The following NUP85 variants were observed in gnomAD, a reference collection of about 807,000 sequenced individuals.
NUP85 encodes nuclear pore complex protein Nup85.
NUP85 carries 23 observed loss-of-function variants against 92.8 expected under a neutral mutation model. The ratio of observed to expected loss-of-function variants is 0.25; its 90% CI spans 0.18 to 0.35. The LOEUF is 0.35. Ranked by LOEUF, NUP85 falls within the 10% of genes least tolerant of loss-of-function variation. The probability of loss-of-function intolerance (pLI) is 1.00; values close to 1 mark genes in which losing one functional copy is unlikely to be tolerated. For synonymous variants in NUP85, 314 were observed against 306.9 expected, an observed-to-expected ratio of 1.02 and a Z score of -0.24; for missense variants, 759 against 822.8, an observed-to-expected ratio of 0.92 and a Z score of 0.95.
intron 2 of NUP85, among the ~76,000 whole-genome samples, chr17:75,208,865 C>A (rs2075171392): frequency 6.6e-6 from 1 of 152,078 alleles, no homozygotes; most frequent in Non-Finnish European, 1.5e-5. Flanking sequence ...CCTCAGTCTT[C>A]CTAGTAGCTG....
chr17:75,214,686 A>G (rs2075374198), intron 5 of NUP85, among the ~76,000 whole-genome samples: 1 of 151,852 alleles, frequency 6.6e-6, no homozygotes, highest in South Asian at 2.1e-4. Context: ...CGGAAACTCC[A>G]TCTCTACTAA....
Position 75,234,834 on chromosome 17 carries a change from C to G in NUP85, c.1767+46C>G, listed in dbSNP as rs1342536621. The G allele has an allele frequency of 3.1e-6, 5 of 1,608,070 alleles. No homozygotes were observed. In the South Asian group the frequency reaches 5.5e-5, roughly 18 times the overall value. On this transcript the variant is annotated intron_variant, in intron 17 of 18. Transcript: ENST00000245544. ...GGTTTTCTTTGCTTGTCAGTCCCTG[C>G]TAGAGCTTAGTTGTATAGCTGTTGC...
At chr17:75,208,663 GGTT>G in intron 2 of NUP85, 43 bp downstream of exon 2, 1 of 1,150,180 alleles carries the variant, frequency 8.7e-7, no homozygotes, top group South Asian at 1.3e-5. Flanking sequence ...TGGCACATTT[GGTT>G]GTTTTTCTGT....
intron 1 of NUP85, among the ~76,000 whole-genome samples, chr17:75,207,947 G>A (rs910937563): frequency 2.0e-5 from 3 of 151,944 alleles, no homozygotes; most frequent in Non-Finnish European, 4.4e-5. Context: ...TCGAGATTGC[G>A]TCACTGCAGT....
intron 6 of NUP85, among the ~76,000 whole-genome samples, chr17:75,216,833 G>C (rs1441872531): frequency 6.6e-6 from 1 of 152,020 alleles, no homozygotes; most frequent in Non-Finnish European, 1.5e-5. Flanking sequence ...GTATCTGCAG[G>C]TTCTACATCA....
intron 7 of NUP85, among the ~76,000 whole-genome samples, chr17:75,223,094 C>T (rs996754007): frequency 6.6e-6 from 1 of 150,714 alleles, no homozygotes; most frequent in African/African-American, 2.4e-5. Flanking sequence ...CTGAATGAAG[C>T]TTATCTAACA....
rs2075743053 is a variant in NUP85, at chr17:75,225,216, GA to G, written c.712del (p.Arg238GlyfsTer14). 6.2e-7 allele frequency: 1 copy of G among 1,608,016 alleles called. No individual in the cohort carries two copies. The stretch of plus-strand genomic sequence containing the variant: ...TATGCCGAATCATGGGGGACCTGAT[GA>G]GGACAATGCCCATTCTTAGTGTACG... The part of the protein sequence containing the change: ...GICRIMGDLM[R>X]TMPILSPGNT... On this transcript the variant is annotated frameshift_variant, in exon 8 of 19. Transcript: ENST00000245544. LOFTEE classifies it high-confidence loss of function.
At position 75,211,933 on chromosome 17, in the gene NUP85, C is replaced by T. The variant is rs927051655; in HGVS notation, c.291-59C>T. The T allele has an allele frequency of 9.1e-6, 12 of 1,325,060 alleles. No individual in the cohort carries two copies. The Admixed American group carries it at 1.1e-4, about 12-fold the overall frequency. 82.1% of individuals were successfully genotyped at this position (1,325,060 alleles called of 1,614,324 possible). ...TCTGCATTTATTTGAGTGTTTCCTT[C>T]CTTTGTGGCACTACAAGATGTTCCA... On this transcript the variant is annotated intron_variant, in intron 3 of 18. Transcript: ENST00000245544.
chr17:75,206,884 T>C (rs765801126), intron 1 of NUP85, among the ~76,000 whole-genome samples: 7 of 151,768 alleles, frequency 4.6e-5, no homozygotes, highest in African/African-American at 7.3e-5. Flanking sequence ...CTTTTTTGTA[T>C]TTTTAGTAGA....
rs1262377881 is a variant in NUP85 at position 75,228,084 on chromosome 17, T to C, written c.1094+1927T>C. The stretch of plus-strand genomic sequence containing the variant: ...GTTGGTGTCTCTGCCCATAGTTGAG[T>C]ATTCTAAATTTCCTGTGTTATAACA... On this transcript the variant is annotated intron_variant, in intron 11 of 18. Transcript: ENST00000245544. 3 of 499,842 alleles carry C rather than the reference T, an allele frequency of 6.0e-6. No individual in the cohort carries two copies. In the African/African-American group the frequency reaches 6.3e-5, roughly 10 times the overall value. 31.0% of individuals were successfully genotyped at this position (499,842 alleles called of 1,614,324 possible).
At chr17:75,222,223 G>A (rs2075616624) in intron 7 of NUP85, among the ~76,000 whole-genome samples, 1 of 152,004 alleles carries the variant, frequency 6.6e-6, no homozygotes, top group Admixed American at 6.6e-5. Context: ...TTTTGTATTT[G>A]TAGTGGAGAC....
Position 75,231,669 on chromosome 17 carries a change from C to CG in NUP85, c.1244+34dup. 1 of 1,568,476 alleles carries CG rather than the reference C, an allele frequency of 6.4e-7. No homozygotes were observed. The highest frequency in any genetic ancestry group is 8.5e-7 in the Non-Finnish European group (1 of 1,175,716). On this transcript the variant is annotated intron_variant, in intron 13 of 18. Coordinates refer to ENST00000245544, the MANE Select transcript of NUP85 (RefSeq NM_024844.5). The surrounding 1 kb of genome is among the most constrained non-coding windows in gnomAD (Gnocchi z 4.6). ...AAGGACCCCATGGGTGTGGGCTATG[C>CG]GGGTGCTCTTCAGCATGCGGGTGCC...
At chr17:75,234,911 T>G (rs573048590) in intron 17 of NUP85, 123 bp downstream of exon 17, 14 of 1,245,232 alleles carry the variant, frequency 1.1e-5, no homozygotes, top group Middle Eastern at 1.9e-4. Context: ...TGTATTCCCC[T>G]TAGCGCCCTC....
intron 4 of NUP85, among the ~76,000 whole-genome samples, 192 bp downstream of exon 4, chr17:75,212,254 T>G (rs2075295959): frequency 7.4e-4 from 2 of 2,718 alleles, no homozygotes; most frequent in African/African-American, 1.1e-3. Context: ...GTTGTTTTTT[T>G]TTTTTTTTTT....
At chr17:75,228,598 G>GT in intron 11 of NUP85, 2 of 985,458 alleles carry the variant, frequency 2.0e-6, no homozygotes, top group South Asian at 9.4e-5. Flanking sequence ...CTCATGGGAT[G>GT]TATCAGTCAG....
chr17:75,208,474 C>T (rs2075158480), intron 1 of NUP85, 53 bp from the exon 2 acceptor site: 2 of 774,424 alleles, frequency 2.6e-6, no homozygotes, highest in East Asian at 5.4e-5. Flanking sequence ...AATGGAACAA[C>T]TTCAGTAAGA....
Position 75,231,475 on chromosome 17 carries a change from G to C in NUP85, c.1178+52G>C, listed in dbSNP as rs368248317. 1.2e-6 allele frequency: 2 copies of C among 1,608,642 alleles called. No homozygotes were observed. Among genetic ancestry groups the C allele is most frequent in the African/African-American group, 2.7e-5 (2 of 74,832 alleles). Reference sequence around the variant, plus strand: ...CCTCTTCTTACCACCAGGCCCCCGAGGGTGGTGTGAACTGAATGCCTGAAA... The same window carrying C: ...CCTCTTCTTACCACCAGGCCCCCGACGGTGGTGTGAACTGAATGCCTGAAA... On this transcript the variant is annotated intron_variant, in intron 12 of 18. Transcript: ENST00000245544. This position sits in a 1 kb window ranked among gnomAD's most constrained non-coding sequence, Gnocchi z 4.6.
chr17:75,211,349 G>A lies in NUP85; in HGVS notation c.291-643G>A, dbSNP rs1307939849. On this transcript the variant is annotated intron_variant, in intron 3 of 18. Transcript: ENST00000245544. ...TCTAGTGGAGAATATTGGTGAGTTT[G>A]AGAAATCTATTGTCACTTCTAGGAA... Among the ~76,000 whole-genome samples, 4 of 151,840 alleles carry A rather than the reference G, an allele frequency of 2.6e-5. No individual in the cohort carries two copies. The East Asian group carries it at 5.8e-4, about 22-fold the overall frequency.
intron 11 of NUP85, chr17:75,228,383 CTG>C (rs1364876527): frequency 4.0e-5 from 39 of 985,232 alleles, no homozygotes; most frequent in Non-Finnish European, 4.3e-5. Context: ...GATCTGAGCT[CTG>C]TTAGTGGGAA....
Sources: allele counts gnomAD v4.1 joint callset (sites outside exome capture counted in the v4.1 genomes callset), GRCh38; gene constraint gnomAD v4.1.1; non-coding constraint Gnocchi (gnomAD v3.1); transcripts MANE v1.5; gene names NCBI Gene and HGNC (gene_info 2026-07-23, HGNC 2026-07-21).